Variants in ARHGAP36 observed in about 807,000 individuals in gnomAD.
ARHGAP36 encodes the protein rho GTPase-activating protein 36.
In ARHGAP36, 7 loss-of-function variants were observed where a neutral mutation model predicts 32.9. That is an observed-to-expected ratio of 0.21 (90% CI 0.12 to 0.40). The LOEUF is 0.40. Among genes scored for constraint, ARHGAP36 ranks in the 10% least tolerant of loss-of-function variants. The probability of loss-of-function intolerance (pLI) is 1.00; values close to 1 mark genes in which losing one functional copy is unlikely to be tolerated. For synonymous variants in ARHGAP36, 165 were observed against 168.3 expected, an observed-to-expected ratio of 0.98 and a Z score of 0.15; for missense variants, 383 against 442.2, an observed-to-expected ratio of 0.87 and a Z score of 1.20.
At chrX:131,085,265 G>T (rs1404552585) in intron 7 of ARHGAP36, among the ~76,000 whole-genome samples, 1 of 108,784 alleles carries the variant, frequency 9.2e-6, no homozygotes, top group South Asian at 4.1e-4. Flanking sequence ...ACTTATTTGG[G>T]TTACTTTCTT....
rs766704531 is a variant in ARHGAP36, at chrX:131,086,632, G to T, written c.1453G>T (p.Ala485Ser). ...PVETSAEARA[A>S]VLAQSKPSDE... ...GGAAACCTCTGCTGAAGCCCGGGCT[G>T]CTGTCCTTGCTCAAAGCAAGCCTTC... The change falls in exon 11 of 12, where the codon GCT (alanine) becomes TCT (serine). Residue 485 changes from alanine to serine, a missense_variant. By Grantham distance (99) the Ala-to-Ser change is moderately conservative (BLOSUM62 1). This residue lies in a region of ARHGAP36 where 227 missense variants were observed against 311.3 expected (regional missense o/e 0.73). Coordinates refer to ENST00000276211, the MANE Select transcript of ARHGAP36 (RefSeq NM_144967.4). 13 of 1,211,891 alleles carry T rather than the reference G, an allele frequency of 1.1e-5. No individual in the cohort carries two copies. In the Middle Eastern group the frequency reaches 1.4e-3, roughly 128 times the overall value.
chrX:131,081,792 C>T lies in ARHGAP36; in HGVS notation c.127C>T (p.Pro43Ser). ...CTTGGGAGGAGCCCCAGGACACAAC[C>T]CCGACCGCAGGACGAAGATGGTATC... Reference protein sequence around the residue: ...SVLGGAPGHNPDRRTKMVSIH... With the variant: ...SVLGGAPGHNSDRRTKMVSIH... The change falls in exon 2 of 12, where the codon CCC becomes TCC. Residue 43 changes from proline (P) to serine (S), a missense_variant. Around this residue, in one of 2 missense-constraint regions of ARHGAP36, gnomAD observed 156 missense variants for 131.0 expected, o/e 1.19. Coordinates refer to ENST00000276211, the MANE Select transcript of ARHGAP36 (RefSeq NM_144967.4). 8.3e-7 allele frequency: 1 copy of T among 1,212,034 alleles called. No homozygotes were observed. Among genetic ancestry groups the T allele is most frequent in the Non-Finnish European group, 1.1e-6 (1 of 895,585 alleles).
chrX:131,079,555 G>GTTTTTT (rs1398804207), intron 1 of ARHGAP36, among the ~76,000 whole-genome samples: 1 of 58,410 alleles, frequency 1.7e-5, no homozygotes, highest in East Asian at 3.6e-4. Context: ...TTTGTTTTTT[G>GTTTTTT]TTTTTTGTTT....
At chrX:131,085,827 G>A (rs2079832611) in intron 8 of ARHGAP36, 86 bp from the exon 9 acceptor site, 9 of 1,176,274 alleles carry the variant, frequency 7.7e-6, no homozygotes, top group Non-Finnish European at 1.0e-5. Context: ...AGGAGAGAGA[G>A]AAACAAGAAT....
At position 131,089,386 on chromosome X, in the gene ARHGAP36, C is replaced by T. The variant is rs1450854452; in HGVS notation, c.*601C>T. The T allele has an allele frequency of 8.8e-6, 1 of 113,054 alleles. No individual in the cohort carries two copies. Among genetic ancestry groups the T allele is most frequent in the East Asian group, 2.8e-4 (1 of 3,608 alleles). The allele number at this position is 113,054 out of a possible 1,213,427, so 9.3% of individuals were successfully genotyped here. A position where few individuals can be genotyped will look rare whatever the true frequency, so the allele number is the denominator to read the frequency against. On this transcript the variant is annotated 3_prime_UTR_variant, in exon 12 of 12. Coordinates refer to ENST00000276211, the MANE Select transcript of ARHGAP36 (RefSeq NM_144967.4). Reference sequence around the variant, plus strand: ...TCAGACCAATGGCTTGCCAAATGGCCTCTCCCAAAATTCTGTACAGTTTTG... The same window carrying T: ...TCAGACCAATGGCTTGCCAAATGGCTTCTCCCAAAATTCTGTACAGTTTTG...
At chrX:131,078,524 C>T (rs1235366357) in intron 1 of ARHGAP36, among the ~76,000 whole-genome samples, 1 of 111,870 alleles carries the variant, frequency 8.9e-6, no homozygotes, top group East Asian at 2.8e-4. Context: ...CAAGAGAGGT[C>T]TCTTGGCACC....
chrX:131,083,815 C>A lies in ARHGAP36; in HGVS notation c.401C>A (p.Thr134Lys). The A allele has an allele frequency of 1.6e-6, 2 of 1,212,435 alleles. No homozygotes were observed. The highest frequency in any genetic ancestry group is 1.8e-5 in the South Asian group (1 of 57,029). Residue 134 changes from threonine (T) to lysine (K), a missense_variant, in exon 4 of 12, where the codon ACA becomes AAA. Physicochemically the swap from Thr to Lys is moderately conservative, Grantham distance 78. Transcript: ENST00000276211. ...ACCCGCCGCAAGCATCTTGAACTGA[C>A]AGCCACGATGCAGGTTGAAGAAGCC... ...EFTRRKHLEL[T>K]ATMQVEEATG...
chrX:131,081,791 C>T lies in ARHGAP36; in HGVS notation c.126C>T (p.Asn42=). The T allele has an allele frequency of 4.1e-6, 5 of 1,212,084 alleles. No homozygotes were observed. The highest frequency in any genetic ancestry group is 1.7e-5 in the African/African-American group (1 of 57,859). The change falls in exon 2 of 12, where the codon AAC becomes AAT. Residue 42 remains asparagine, a synonymous_variant. Transcript: ENST00000276211. ...TCTTGGGAGGAGCCCCAGGACACAA[C>T]CCCGACCGCAGGACGAAGATGGTAT... The part of the protein sequence containing the change: ...VSVLGGAPGH[N]PDRRTKMVSI...
rs192301251 is a variant in ARHGAP36, at chrX:131,079,401, G to A, written c.-142-2123G>A. ...ATCTATGCTAGGTGTTTTCCTCTTGGTTTAGTTCAAAAGCCACAGGAAAAC... is the reference window on the plus strand; with the variant it reads ...ATCTATGCTAGGTGTTTTCCTCTTGATTTAGTTCAAAAGCCACAGGAAAAC... On this transcript the variant is annotated intron_variant, in intron 1 of 11. Coordinates refer to ENST00000276211, the MANE Select transcript of ARHGAP36 (RefSeq NM_144967.4). 3.6e-5 allele frequency among the ~76,000 whole-genome samples: 4 copies of A among 111,490 alleles called. No homozygotes were observed. In the Admixed American group the frequency reaches 3.8e-4, roughly 11 times the overall value.
At chrX:131,076,644 C>A (rs996691848) in intron 1 of ARHGAP36, among the ~76,000 whole-genome samples, 2 of 112,166 alleles carry the variant, frequency 1.8e-5, no homozygotes, top group Non-Finnish European at 3.8e-5. Context: ...AATGCAGAAT[C>A]TTGCAGCTAG....
intron 11 of ARHGAP36, 102 bp from the exon 12 acceptor site, chrX:131,088,526 C>A (rs2079848221): frequency 3.6e-6 from 3 of 835,890 alleles, no homozygotes; most frequent in Non-Finnish European, 5.0e-6. Flanking sequence ...CTTCTTGCCT[C>A]ATACTGTATT....
chrX:131,067,714 T>G (rs763683305), intron 1 of ARHGAP36, among the ~76,000 whole-genome samples: 5 of 111,621 alleles, frequency 4.5e-5, no homozygotes, highest in African/African-American at 1.6e-4. Context: ...GCACGTAAGC[T>G]GACCACATGC....
At chrX:131,083,122 G>A in intron 2 of ARHGAP36, 43 bp from the exon 3 acceptor site, 2 of 1,158,029 alleles carry the variant, frequency 1.7e-6, no homozygotes, top group South Asian at 1.9e-5. Context: ...CACTTATTAA[G>A]TCCTATTTGT....
Position 131,081,777 on chromosome X carries a change from G to C in ARHGAP36, c.112G>C (p.Ala38Pro), listed in dbSNP as rs766957043. Residue 38 changes from alanine (A) to proline (P), a missense_variant, in exon 2 of 12, where the codon GCC becomes CCC. By Grantham distance (27) the Ala-to-Pro change is conservative. Around this residue, in one of 2 missense-constraint regions of ARHGAP36, gnomAD observed 156 missense variants for 131.0 expected, o/e 1.19. Coordinates refer to ENST00000276211, the MANE Select transcript of ARHGAP36 (RefSeq NM_144967.4). Reference protein sequence around the residue: ...FIFLVSVLGGAPGHNPDRRTK... With the variant: ...FIFLVSVLGGPPGHNPDRRTK... Reference sequence around the variant, plus strand: ...TTTTTTAGTGAGTGTCTTGGGAGGAGCCCCAGGACACAACCCCGACCGCAG... The same window carrying C: ...TTTTTTAGTGAGTGTCTTGGGAGGACCCCCAGGACACAACCCCGACCGCAG... 3.5e-5 allele frequency: 42 copies of C among 1,210,380 alleles called. No homozygotes were observed. Among genetic ancestry groups the C allele is most frequent in the South Asian group, 7.0e-5 (4 of 56,799 alleles).
chrX:131,072,421 G>A (rs2079738088), intron 1 of ARHGAP36, among the ~76,000 whole-genome samples: 1 of 112,322 alleles, frequency 8.9e-6, no homozygotes, highest in African/African-American at 3.2e-5. Flanking sequence ...CAGTCCTTGT[G>A]TGCAAAGGGC....
rs761200728 is a variant in ARHGAP36 at position 131,083,760 on chromosome X, A to C, written c.346A>C (p.Ser116Arg). The change falls in exon 4 of 12, where the codon AGC (serine) becomes CGC (arginine). Residue 116 changes from serine to arginine, a missense_variant. By Grantham distance (110) the Ser-to-Arg change is moderately radical (BLOSUM62 -1). Around this residue, in one of 2 missense-constraint regions of ARHGAP36, gnomAD observed 156 missense variants for 131.0 expected, o/e 1.19. Coordinates refer to ENST00000276211, the MANE Select transcript of ARHGAP36 (RefSeq NM_144967.4). The part of the protein sequence containing the change: ...RAVSHKTFGI[S>R]LEEVLVNEFT... ...TGTATCACACAAGACATTTGGCATTAGCCTGGAAGAGGTCCTGGTGAACGA... is the reference window on the plus strand; with the variant it reads ...TGTATCACACAAGACATTTGGCATTCGCCTGGAAGAGGTCCTGGTGAACGA... The C allele has an allele frequency of 3.3e-6, 4 of 1,211,533 alleles. No homozygotes were observed. The Admixed American group carries it at 8.7e-5, about 26-fold the overall frequency.
chrX:131,068,407 GC>G (rs2079712912), intron 1 of ARHGAP36, among the ~76,000 whole-genome samples: 2 of 112,187 alleles, frequency 1.8e-5, no homozygotes, highest in Non-Finnish European at 3.8e-5. Flanking sequence ...CTGGGGTGTT[GC>G]CCCCATGTTC....
In ARHGAP36 at chrX:131,083,141, C is replaced by CT. The variant is rs761151328; in HGVS notation, c.254-20dup. On this transcript the variant is annotated intron_variant, in intron 2 of 11. Transcript: ENST00000276211. The stretch of plus-strand genomic sequence containing the variant: ...TATTAAGTCCTATTTGTAAGTGTAT[C>CT]TTTTCTTTTTTCTCTTTCTGTAGCT... The CT allele has an allele frequency of 1.3e-3, 1,542 of 1,200,002 alleles. 3 individuals carry two copies. The highest frequency in any genetic ancestry group is 1.4e-3 in the Non-Finnish European group (1,202 of 887,733).
chrX:131,075,588 A>AAC (rs753210314), intron 1 of ARHGAP36, among the ~76,000 whole-genome samples: 2 of 97,598 alleles, frequency 2.0e-5, no homozygotes. Context: ...CACATATATA[A>AAC]ACACACACAC....
Sources: gnomAD v4.1 joint callset for allele counts (sites outside exome capture counted in the v4.1 genomes callset) on GRCh38, gnomAD v4.1.1 for gene constraint, gnomAD v4.1.1 regional missense constraint, MANE v1.5 for transcripts, NCBI Gene and HGNC (gene_info 2026-07-23, HGNC 2026-07-21) for gene names.